Variants in TAF1B observed in about 807,000 individuals in gnomAD.
TAF1B encodes TATA box-binding protein-associated factor RNA polymerase I subunit B.
A neutral mutation model predicts 83.9 loss-of-function variants in TAF1B; 61 were observed. The observed-to-expected ratio is 0.73, with a 90% CI of 0.59 to 0.90. TAF1B has a LOEUF of 0.90. TAF1B is among the 40% of genes least tolerant of loss of function. TAF1B has a pLI of 0.00. For missense variants in TAF1B, 625 were observed against 677.0 expected (o/e 0.92, Z 0.85); for synonymous variants, 221 against 224.6 (o/e 0.98, Z 0.14).
At chr2:9,887,782 A>G (rs1008768984) in intron 8 of TAF1B, among the ~76,000 whole-genome samples, 2 of 151,986 alleles carry the variant, frequency 1.3e-5, no homozygotes, top group African/African-American at 4.8e-5. Flanking sequence ...TACATGTCTC[A>G]TCTCTTGTTT....
At chr2:9,918,897 A>G in intron 12 of TAF1B, 144 bp from the exon 13 acceptor site, 1 of 688,538 alleles carries the variant, frequency 1.5e-6, no homozygotes, top group African/African-American at 1.8e-5. Flanking sequence ...GCCTAAGTTC[A>G]ATAGGCAATA....
Position 9,855,243 on chromosome 2 carries a change from C to T in TAF1B, c.399+822C>T, listed in dbSNP as rs112238869. Among the ~76,000 whole-genome samples, 154 of 152,358 alleles carry T rather than the reference C, an allele frequency of 1.0e-3. 1 individual carries two copies. Among genetic ancestry groups the T allele is most frequent in the African/African-American group, 3.3e-3 (139 of 41,590 alleles). On this transcript the variant is annotated intron_variant, in intron 5 of 14. Transcript: ENST00000263663. ...CTCCTGACCGCAGATGATCCATCCT[C>T]CTCGGCCTCCCAAAGTGCTGGGATT...
At chr2:9,900,157 A>G (rs1665140429) in intron 8 of TAF1B, among the ~76,000 whole-genome samples, 1 of 152,250 alleles carries the variant, frequency 6.6e-6, no homozygotes, top group Admixed American at 6.5e-5. Flanking sequence ...AAGCTCTCAG[A>G]CAGGCAGGAG....
chr2:9,877,116 C>G (rs547107839), intron 7 of TAF1B, among the ~76,000 whole-genome samples: 1 of 152,326 alleles, frequency 6.6e-6, no homozygotes, highest in Non-Finnish European at 1.5e-5. Flanking sequence ...AAAACCTGAT[C>G]TTGTTTTGTA....
At chr2:9,858,040 C>G (rs1214100252) in intron 5 of TAF1B, among the ~76,000 whole-genome samples, 1 of 152,158 alleles carries the variant, frequency 6.6e-6, no homozygotes, top group East Asian at 1.9e-4. Context: ...TAACTCATTC[C>G]AGCATTAACT....
rs552794522 is a variant in TAF1B at position 9,888,872 on chromosome 2, C to T, written c.807+6067C>T. Among the ~76,000 whole-genome samples the T allele has an allele frequency of 7.5e-5, 11 of 147,332 alleles. No individual in the cohort carries two copies. The East Asian group carries it at 1.4e-3, about 19-fold the overall frequency. ...AGGCTGGAGTGCAGTGGCATGATCC[C>T]GGCTCACTGCAACCTTCGCTTCCTG... is the stretch of plus-strand genomic sequence containing the variant. On this transcript the variant is annotated intron_variant, in intron 8 of 14. Transcript: ENST00000263663.
At chr2:9,903,128 C>T (rs1665232028) in intron 8 of TAF1B, among the ~76,000 whole-genome samples, 2 of 152,078 alleles carry the variant, frequency 1.3e-5, no homozygotes, top group Non-Finnish European at 2.9e-5. Flanking sequence ...CTCTGTCGCC[C>T]AGGCTGGAGT....
At chr2:9,856,056 C>T (rs1663556127) in intron 5 of TAF1B, among the ~76,000 whole-genome samples, 1 of 152,062 alleles carries the variant, frequency 6.6e-6, no homozygotes, top group Non-Finnish European at 1.5e-5. Flanking sequence ...CCCAGTGTTT[C>T]CTTGTTTGCT....
At chr2:9,892,377 A>G (rs534063755) in intron 8 of TAF1B, among the ~76,000 whole-genome samples, 18 of 152,296 alleles carry the variant, frequency 1.2e-4, no homozygotes, top group African/African-American at 3.9e-4. Flanking sequence ...GCATGACTAT[A>G]CATTATTATT....
intron 8 of TAF1B, among the ~76,000 whole-genome samples, chr2:9,888,792 T>G (rs1441074929): frequency 0.099 from 4,627 of 46,566 alleles, 498 homozygotes; most frequent in Middle Eastern, 0.22. Flanking sequence ...TCTGCTTGGT[T>G]TTTTTTTTTT....
chr2:9,851,837 T>G (rs1663406292), intron 4 of TAF1B, 199 bp downstream of exon 4: 1 of 648,840 alleles, frequency 1.5e-6, no homozygotes, highest in Admixed American at 2.3e-5. Context: ...AAGCAATACA[T>G]CCAAAAGAAA....
At chr2:9,906,860 G>A (rs558029838) in intron 9 of TAF1B, among the ~76,000 whole-genome samples, 11 of 151,914 alleles carry the variant, frequency 7.2e-5, no homozygotes, top group Admixed American at 2.0e-4. Context: ...CTTATTAATG[G>A]GCACGGGGAG....
intron 9 of TAF1B, among the ~76,000 whole-genome samples, chr2:9,908,028 CTTTTTTTTTTTTTTTTTTTTTT>C (rs57261740): frequency 5.6e-5 from 4 of 71,770 alleles, no homozygotes; most frequent in East Asian, 4.6e-4. Context: ...GATCTTAATT[CTTTTTTTTTTTTTTTTTTTTTT>C]TTTTTTTTTT....
intron 8 of TAF1B, among the ~76,000 whole-genome samples, chr2:9,901,541 A>T (rs150943380): frequency 4.9e-4 from 75 of 152,256 alleles, no homozygotes; most frequent in African/African-American, 1.8e-3. Flanking sequence ...ATCATCCATT[A>T]AATCATTTTT....
intron 8 of TAF1B, among the ~76,000 whole-genome samples, chr2:9,900,952 G>A (rs565112001): frequency 1.3e-5 from 2 of 152,258 alleles, no homozygotes; most frequent in South Asian, 4.2e-4. Flanking sequence ...TGAGAGAAAA[G>A]TCCACCCAGA....
chr2:9,930,517 G>C (rs1666179930), intron 14 of TAF1B, among the ~76,000 whole-genome samples: 1 of 152,242 alleles, frequency 6.6e-6, no homozygotes, highest in African/African-American at 2.4e-5. Flanking sequence ...TGATTGCACT[G>C]TGGTCTGAGA....
At position 9,932,212 on chromosome 2, in the gene TAF1B, G is replaced by A. The variant is rs60323200; in HGVS notation, c.1566-1571G>A. ...CTCCATCCAGCTTTGTTCCGTTGCT[G>A]GCAAGGAGCTGCAATCCTTTGGAGG... On this transcript the variant is annotated intron_variant, in intron 14 of 14. Transcript: ENST00000263663. Among the ~76,000 whole-genome samples, 951 of 152,280 alleles carry A rather than the reference G, an allele frequency of 6.2e-3. 12 individuals carry two copies. The highest frequency in any genetic ancestry group is 0.021 in the African/African-American group (885 of 41,554).
intron 11 of TAF1B, among the ~76,000 whole-genome samples, chr2:9,912,524 G>A (rs1408496443): frequency 6.6e-6 from 1 of 152,180 alleles, no homozygotes; most frequent in Non-Finnish European, 1.5e-5. Context: ...GTGAAAGGTT[G>A]AACTAGCTGT....
chr2:9,922,427 T>G (rs1462274294), intron 14 of TAF1B, among the ~76,000 whole-genome samples: 1 of 152,164 alleles, frequency 6.6e-6, no homozygotes, highest in East Asian at 1.9e-4. Flanking sequence ...GTACCTGCTC[T>G]GCCTCCTGCC....
Sources: gnomAD v4.1 joint callset for allele counts (sites outside exome capture counted in the v4.1 genomes callset) on GRCh38, gnomAD v4.1.1 for gene constraint, MANE v1.5 for transcripts, NCBI Gene and HGNC (gene_info 2026-07-23, HGNC 2026-07-21) for gene names.